Variants in DNAJC1 observed in about 807,000 individuals in gnomAD.
DNAJC1 encodes DnaJ heat shock protein family (Hsp40) member C1.
DNAJC1 carries 58 observed loss-of-function variants against 76.6 expected under a neutral mutation model. The ratio of observed to expected loss-of-function variants is 0.76; its 90% confidence interval spans 0.61 to 0.94. DNAJC1 has a LOEUF of 0.94. DNAJC1 is among the 40% of genes least tolerant of loss of function. DNAJC1 has a pLI of 0.00. For missense variants in DNAJC1, 689 were observed against 677.3 expected (o/e 1.02, Z -0.19); for synonymous variants, 258 against 267.9 (o/e 0.96, Z 0.36).
intron 9 of DNAJC1, among the ~76,000 whole-genome samples, chr10:21,783,439 A>T (rs922923137): frequency 3.3e-5 from 5 of 152,226 alleles, no homozygotes; most frequent in Non-Finnish European, 7.3e-5. Context: ...ATGCTCATGG[A>T]TAGGAAGAAT....
intron 9 of DNAJC1, among the ~76,000 whole-genome samples, chr10:21,777,721 C>T (rs562503554): frequency 6.6e-6 from 1 of 152,300 alleles, no homozygotes; most frequent in Admixed American, 6.5e-5. Context: ...AGAATAGTCT[C>T]GAGTTCTAGG....
At position 21,967,479 on chromosome 10, in the gene DNAJC1, C is replaced by G. The variant is rs1402824279; in HGVS notation, c.222+35734G>C. Among the ~76,000 whole-genome samples the G allele has an allele frequency of 2.0e-5, 3 of 152,262 alleles. No individual in the cohort carries two copies. The East Asian group carries it at 5.8e-4, about 29-fold the overall frequency. The stretch of plus-strand genomic sequence containing the variant: ...TTCCTGTCCCAGACCTGGAACCAAC[C>G]AACCATTTCTCTAGGCATCCCTATT... On this transcript the variant is annotated intron_variant, in intron 1 of 11. Transcript: ENST00000376980.
intron 9 of DNAJC1, among the ~76,000 whole-genome samples, chr10:21,794,449 C>G (rs1834730344): frequency 6.6e-6 from 1 of 151,914 alleles, no homozygotes; most frequent in African/African-American, 2.4e-5. Flanking sequence ...TTTGAACATT[C>G]AAAATTGTTA....
intron 7 of DNAJC1, 114 bp from the exon 8 acceptor site, chr10:21,882,553 G>A (rs1358962464): frequency 4.2e-6 from 3 of 712,274 alleles, no homozygotes. Flanking sequence ...TAATTGTTCT[G>A]TTATAAATAA....
chr10:21,882,456 A>G lies in DNAJC1; in HGVS notation c.821-17T>C, dbSNP rs758132524. 4 of 1,432,672 alleles carry G rather than the reference A, an allele frequency of 2.8e-6. No individual in the cohort carries two copies. The highest frequency in any genetic ancestry group is 3.7e-6 in the Non-Finnish European group (4 of 1,070,204). 88.7% of individuals were successfully genotyped at this position (1,432,672 alleles called of 1,614,324 possible). On this transcript the variant is annotated splice_polypyrimidine_tract_variant and intron_variant, in intron 7 of 11. Transcript: ENST00000376980. Reference sequence around the variant, plus strand: ...TCTTCTGTTCTAAAAAATGTTTAAAAGAACCAATTATTGAGATTTTTAAAG... The same window carrying G: ...TCTTCTGTTCTAAAAAATGTTTAAAGGAACCAATTATTGAGATTTTTAAAG...
chr10:21,959,800 C>CAAAAA (rs199556961), intron 1 of DNAJC1, among the ~76,000 whole-genome samples: 1 of 138,914 alleles, frequency 7.2e-6, no homozygotes, highest in East Asian at 2.1e-4. Flanking sequence ...AAAACAAAAA[C>CAAAAA]AAAAAAAAAA....
chr10:21,992,502 G>A (rs573203119), intron 1 of DNAJC1, among the ~76,000 whole-genome samples: 4 of 151,934 alleles, frequency 2.6e-5, no homozygotes, highest in East Asian at 1.9e-4. Context: ...GCAGTGAGCA[G>A]AGATTGTGCC....
At chr10:21,995,237 C>T (rs185899561) in intron 1 of DNAJC1, among the ~76,000 whole-genome samples, 197 of 152,188 alleles carry the variant, frequency 1.3e-3, no homozygotes, top group African/African-American at 4.5e-3. Flanking sequence ...GAAGTTTCTA[C>T]CTTCCTCATG....
At chr10:21,917,301 T>C (rs1403788470) in intron 6 of DNAJC1, among the ~76,000 whole-genome samples, 1 of 152,058 alleles carries the variant, frequency 6.6e-6, no homozygotes, top group Non-Finnish European at 1.5e-5. Flanking sequence ...AATATGTTGG[T>C]TCTAGTCTGG....
At chr10:21,841,255 G>C (rs1479484739) in intron 8 of DNAJC1, among the ~76,000 whole-genome samples, 1 of 152,116 alleles carries the variant, frequency 6.6e-6, no homozygotes, top group Non-Finnish European at 1.5e-5. Flanking sequence ...TTGACAAATG[G>C]ATCTAATTAA....
chr10:21,775,413 A>G (rs1834441925), intron 9 of DNAJC1, among the ~76,000 whole-genome samples: 1 of 135,750 alleles, frequency 7.4e-6, no homozygotes, highest in Admixed American at 8.3e-5. Flanking sequence ...ATGGCAGATG[A>G]TGGCAAAATA....
At chr10:21,880,011 G>A (rs773079871) in intron 8 of DNAJC1, among the ~76,000 whole-genome samples, 31 of 152,316 alleles carry the variant, frequency 2.0e-4, no homozygotes, top group Non-Finnish European at 3.8e-4. Flanking sequence ...TATCAGTGAA[G>A]CTTACAGAAT....
intron 1 of DNAJC1, among the ~76,000 whole-genome samples, chr10:21,944,943 G>A (rs1003507264): frequency 6.6e-6 from 1 of 152,178 alleles, no homozygotes; most frequent in African/African-American, 2.4e-5. Flanking sequence ...GGCCAGAGAA[G>A]ACAATGAACT....
intron 1 of DNAJC1, among the ~76,000 whole-genome samples, chr10:21,989,083 C>G (rs1212282014): frequency 6.6e-6 from 1 of 152,122 alleles, no homozygotes; most frequent in Non-Finnish European, 1.5e-5. Flanking sequence ...GGAACAGTTG[C>G]TAGAAAGGAA....
At chr10:21,819,216 C>T (rs569308276) in intron 8 of DNAJC1, among the ~76,000 whole-genome samples, 1 of 152,262 alleles carries the variant, frequency 6.6e-6, no homozygotes, top group South Asian at 2.1e-4. Context: ...CCCTGGCTAA[C>T]ATGGTGAAAC....
intron 1 of DNAJC1, among the ~76,000 whole-genome samples, chr10:21,943,839 T>C (rs1285510977): frequency 4.6e-5 from 7 of 151,572 alleles, no homozygotes; most frequent in Non-Finnish European, 1.0e-4. Flanking sequence ...ACCCTGCATA[T>C]AGTCAGGAAA....
intron 8 of DNAJC1, among the ~76,000 whole-genome samples, chr10:21,811,164 T>A (rs1028326798): frequency 1.3e-5 from 2 of 152,112 alleles, no homozygotes; most frequent in African/African-American, 4.8e-5. Context: ...GCTCACGGGG[T>A]GACCCACCGC....
intron 9 of DNAJC1, among the ~76,000 whole-genome samples, chr10:21,800,562 T>A (rs1834801803): frequency 6.6e-6 from 1 of 152,240 alleles, no homozygotes; most frequent in South Asian, 2.1e-4. Context: ...TCTTTAATGA[T>A]ATCATGGCAG....
At chr10:21,982,136 A>G (rs1838168370) in intron 1 of DNAJC1, among the ~76,000 whole-genome samples, 3 of 152,182 alleles carry the variant, frequency 2.0e-5, no homozygotes, top group African/African-American at 7.2e-5. Flanking sequence ...TTCATTCTGT[A>G]ACGAAGTCTC....
Sources: allele counts gnomAD v4.1 joint callset (sites outside exome capture counted in the v4.1 genomes callset), GRCh38; gene constraint gnomAD v4.1.1; transcripts MANE v1.5; gene names NCBI Gene and HGNC (gene_info 2026-07-23, HGNC 2026-07-21).